The following CEP128 variants were observed in gnomAD, a reference collection of about 807,000 sequenced individuals.
The protein encoded by CEP128 is centrosomal protein 128, also known as centrosomal protein 128kDa.
In CEP128, 132 loss-of-function variants were observed where a neutral mutation model predicts 156.7. The observed-to-expected ratio is 0.84, with a 90% CI of 0.73 to 0.97. The LOEUF is 0.97. Ranked by LOEUF, CEP128 falls within the 50% of genes least tolerant of loss-of-function variation. The probability of loss-of-function intolerance (pLI) is 0.00; values close to 1 mark genes in which losing one functional copy is unlikely to be tolerated. For missense variants in CEP128, 1,252 were observed against 1,281.9 expected (o/e 0.98, Z 0.36); for synonymous variants, 469 against 448.9 (o/e 1.04, Z -0.57).
chr14:80,815,389 G>C (rs565870908), intron 13 of CEP128, among the ~76,000 whole-genome samples: 18 of 152,226 alleles, frequency 1.2e-4, no homozygotes, highest in African/African-American at 4.3e-4. Context: ...CAGTCAGAAT[G>C]GTTATTATTA....
At chr14:80,488,501 T>C (rs1417261969), downstream of CEP128, among the ~76,000 whole-genome samples, 1 of 150,792 alleles carries the variant, frequency 6.6e-6, no homozygotes, top group South Asian at 2.1e-4. Flanking sequence ...CTGAAGAGGA[T>C]GTGGAGAAAT....
At chr14:80,798,143 T>C (rs920284680) in intron 13 of CEP128, among the ~76,000 whole-genome samples, 3 of 152,222 alleles carry the variant, frequency 2.0e-5, no homozygotes, top group African/African-American at 7.2e-5. Flanking sequence ...CCAAAAGGCT[T>C]ATAAAAGCTC....
At chr14:80,601,598 T>C (rs1892584795) in intron 19 of CEP128, among the ~76,000 whole-genome samples, 1 of 152,230 alleles carries the variant, frequency 6.6e-6, no homozygotes, top group Admixed American at 6.5e-5. Flanking sequence ...AACTAGGCTA[T>C]ATAGTATAGC....
At chr14:80,822,040 C>T (rs1885216941) in intron 13 of CEP128, among the ~76,000 whole-genome samples, 1 of 152,030 alleles carries the variant, frequency 6.6e-6, no homozygotes, top group Admixed American at 6.6e-5. Context: ...AAGACCTGCC[C>T]CCGTGATTCA....
At chr14:80,883,401 G>C (rs1286120699) in intron 8 of CEP128, among the ~76,000 whole-genome samples, 2 of 151,438 alleles carry the variant, frequency 1.3e-5, no homozygotes, top group Non-Finnish European at 2.9e-5. Flanking sequence ...AAAGTTGCAG[G>C]ATACAAAATC....
rs573865763 is a variant in CEP128, at chr14:80,594,658, G to A, written c.2807-14235C>T. 2.7e-4 allele frequency among the ~76,000 whole-genome samples: 41 copies of A among 152,168 alleles called. No homozygotes were observed. The South Asian group carries it at 3.5e-3, about 13-fold the overall frequency. ...CAAACAACCCCATCAAAAAGTGGGC[G>A]AAGGATATGAACAGACACTTCTCAA... is the stretch of plus-strand genomic sequence containing the variant. On this transcript the variant is annotated intron_variant, in intron 19 of 24. Coordinates refer to ENST00000555265, the MANE Select transcript of CEP128 (RefSeq NM_152446.5).
At chr14:80,857,403 G>A (rs1887241874) in intron 9 of CEP128, among the ~76,000 whole-genome samples, 1 of 151,984 alleles carries the variant, frequency 6.6e-6, no homozygotes, top group Non-Finnish European at 1.5e-5. Flanking sequence ...ACTTGACTGT[G>A]TACACAGAAA....
intron 12 of CEP128, among the ~76,000 whole-genome samples, chr14:80,832,843 G>A (rs1885878715): frequency 6.6e-6 from 1 of 152,174 alleles, no homozygotes; most frequent in Non-Finnish European, 1.5e-5. Context: ...CAGAGTTTAT[G>A]TGTTGCTAGG....
intron 19 of CEP128, among the ~76,000 whole-genome samples, chr14:80,633,969 G>A (rs1595124091): frequency 6.6e-6 from 1 of 152,060 alleles, no homozygotes; most frequent in Admixed American, 6.6e-5. Context: ...TCATGCCTAA[G>A]GTAGGAAGTA....
At chr14:80,764,864 T>C (rs1223411917) in intron 16 of CEP128, among the ~76,000 whole-genome samples, 1 of 152,196 alleles carries the variant, frequency 6.6e-6, no homozygotes, top group African/African-American at 2.4e-5. Flanking sequence ...TTTCTGTTCC[T>C]TTCCCCTGTT....
At chr14:80,478,332 G>A (rs908683807) in exon 15 of CEP128, 4 of 152,028 alleles carry the variant, frequency 2.6e-5, no homozygotes, top group Admixed American at 6.6e-5. Context: ...ATGGCTCCAC[G>A]AGATTTAAGC....
Position 80,895,807 on chromosome 14 carries a change from A to AAAAC in CEP128, c.573-18_573-17insGTTT. On this transcript the variant is annotated splice_polypyrimidine_tract_variant and intron_variant, in intron 7 of 24. Transcript: ENST00000555265. ...GCATCTGACCTAGGAAGAAAAAAAA[A>AAAAC]AAAAAGATTTAAATTTGGATATTTA... 1 of 1,492,696 alleles carries AAAAC rather than the reference A, an allele frequency of 6.7e-7. No individual in the cohort carries two copies. The highest frequency in any genetic ancestry group is 8.9e-7 in the Non-Finnish European group (1 of 1,123,640). The allele number at this position is 1,492,696 out of a possible 1,614,324, so 92.5% of individuals were successfully genotyped here. A position where few individuals can be genotyped will look rare whatever the true frequency, so the allele number is the denominator to read the frequency against.
chr14:80,838,196 A>G lies in CEP128; in HGVS notation c.924+8T>C. The G allele has an allele frequency of 1.3e-6, 2 of 1,589,304 alleles. No homozygotes were observed. Among genetic ancestry groups the G allele is most frequent in the Non-Finnish European group, 1.7e-6 (2 of 1,157,746 alleles). Reference sequence around the variant, plus strand: ...AAAAGTATATTATAATAACTTGCATAGACTTACCTGATGCAAAAGTGTTTC... The same window carrying G: ...AAAAGTATATTATAATAACTTGCATGGACTTACCTGATGCAAAAGTGTTTC... On this transcript the variant is annotated splice_region_variant and intron_variant, in intron 11 of 24. Coordinates refer to ENST00000555265, the MANE Select transcript of CEP128 (RefSeq NM_152446.5).
At chr14:80,737,290 G>A (rs1898583235) in intron 19 of CEP128, among the ~76,000 whole-genome samples, 1 of 152,064 alleles carries the variant, frequency 6.6e-6, no homozygotes, top group African/African-American at 2.4e-5. Flanking sequence ...TGTAGTCCCA[G>A]CTACTCGGGA....
At chr14:80,799,485 G>T (rs969358806) in intron 13 of CEP128, among the ~76,000 whole-genome samples, 41 of 152,298 alleles carry the variant, frequency 2.7e-4, no homozygotes, top group African/African-American at 8.7e-4. Flanking sequence ...GGGAACAAAG[G>T]AAGACAACCA....
In CEP128 at chr14:80,497,276, C is replaced by A. The variant is rs916691086; in HGVS notation, c.*203G>T. 1.1e-5 allele frequency: 5 copies of A among 459,050 alleles called. No individual in the cohort carries two copies. Among genetic ancestry groups the A allele is most frequent in the South Asian group, 4.3e-5 (1 of 23,134 alleles). 28.4% of individuals were successfully genotyped at this position (459,050 alleles called of 1,614,324 possible). Reference sequence around the variant, plus strand: ...ATAAGTTGCAAATAAATTAGCTGCACATCATTCATGATCTGATATTATTTG... The same window carrying A: ...ATAAGTTGCAAATAAATTAGCTGCAAATCATTCATGATCTGATATTATTTG... On this transcript the variant is annotated 3_prime_UTR_variant, in exon 25 of 25. Transcript: ENST00000555265.
chr14:80,929,301 A>T (rs1315454902), intron 2 of CEP128, among the ~76,000 whole-genome samples: 1 of 152,238 alleles, frequency 6.6e-6, no homozygotes, highest in Admixed American at 6.5e-5. Flanking sequence ...TCTATGGAAA[A>T]TAGTATGGAG....
At chr14:80,842,634 CT>C (rs1252763679) in intron 9 of CEP128, among the ~76,000 whole-genome samples, 1 of 151,778 alleles carries the variant, frequency 6.6e-6, no homozygotes, top group African/African-American at 2.4e-5. Flanking sequence ...AATTTACTAC[CT>C]TTTTTTAAGG....
intron 13 of CEP128, among the ~76,000 whole-genome samples, chr14:80,810,998 C>T (rs1884501283): frequency 6.6e-6 from 1 of 152,214 alleles, no homozygotes; most frequent in East Asian, 1.9e-4. Flanking sequence ...TCCATGTGTT[C>T]TCCTTGTTTA....
Sources: gnomAD v4.1 joint callset for allele counts (sites outside exome capture counted in the v4.1 genomes callset) on GRCh38, gnomAD v4.1.1 for gene constraint, MANE v1.5 for transcripts, NCBI Gene and HGNC (gene_info 2026-07-23, HGNC 2026-07-21) for gene names.